NPAS3: variants seen among roughly 807,000 people sequenced by gnomAD.
The protein encoded by NPAS3 is neuronal PAS domain protein 3.
NPAS3 carries 14 observed loss-of-function variants against 73.1 expected under a neutral mutation model. The observed-to-expected ratio is 0.19, with a 90% CI of 0.13 to 0.30. The LOEUF (loss-of-function observed/expected upper bound fraction) is 0.30, where lower values mean the gene tolerates loss of function less well. Ranked by LOEUF, NPAS3 falls within the 10% of genes least tolerant of loss-of-function variation. The pLI is 1.00. For missense variants in NPAS3, 1,096 were observed against 1,250.0 expected (o/e 0.88, Z 1.86); for synonymous variants, 620 against 541.5 (o/e 1.14, Z -2.01).
intron 4 of NPAS3, among the ~76,000 whole-genome samples, chr14:33,523,782 G>GA (rs142855865): frequency 0.027 from 4,159 of 151,424 alleles, 161 homozygotes; most frequent in African/African-American, 0.09. Context: ...TTTGTCTCAA[G>GA]AAAAAAAAGA....
At chr14:33,108,327 G>A (rs570561758) in intron 2 of NPAS3, among the ~76,000 whole-genome samples, 1 of 151,686 alleles carries the variant, frequency 6.6e-6, no homozygotes, top group African/African-American at 2.4e-5. Context: ...CCAAGTAGCT[G>A]GGACTACAGG....
chr14:33,090,081 C>G (rs2042172780), intron 2 of NPAS3, among the ~76,000 whole-genome samples: 1 of 152,206 alleles, frequency 6.6e-6, no homozygotes, highest in Admixed American at 6.5e-5. Context: ...TAGGAAGAAA[C>G]TGCATCAACT....
At chr14:33,490,345 G>A (rs914011870) in intron 4 of NPAS3, among the ~76,000 whole-genome samples, 1 of 152,098 alleles carries the variant, frequency 6.6e-6, no homozygotes, top group Non-Finnish European at 1.5e-5. Flanking sequence ...TATGCCATTT[G>A]AAATTAGCAT....
At chr14:33,398,470 C>T (rs2047316691) in intron 4 of NPAS3, among the ~76,000 whole-genome samples, 1 of 150,760 alleles carries the variant, frequency 6.6e-6, no homozygotes, top group Non-Finnish European at 1.5e-5. Context: ...ATTACTTCCC[C>T]AAATCTCATC....
At chr14:33,768,470 A>G (rs1489045886) in intron 7 of NPAS3, among the ~76,000 whole-genome samples, 1 of 152,170 alleles carries the variant, frequency 6.6e-6, no homozygotes, top group African/African-American at 2.4e-5. Flanking sequence ...GATCTATAAG[A>G]TCCCTACTAA....
chr14:33,440,128 A>G (rs919968131), intron 4 of NPAS3, among the ~76,000 whole-genome samples: 2 of 151,846 alleles, frequency 1.3e-5, no homozygotes, highest in Non-Finnish European at 2.9e-5. Flanking sequence ...AAAAAAAAAA[A>G]AAAGAAAAAA....
At chr14:33,345,741 C>G (rs8013130) in intron 3 of NPAS3, among the ~76,000 whole-genome samples, 66,647 of 152,042 alleles carry the variant, frequency 0.44, 15,220 homozygotes, top group East Asian at 0.61. Flanking sequence ...TGCAGTTCAA[C>G]AGACAAGCTG....
intron 1 of NPAS3, among the ~76,000 whole-genome samples, chr14:33,030,743 A>T (rs1300865914): frequency 6.6e-6 from 1 of 152,166 alleles, no homozygotes; most frequent in South Asian, 2.1e-4. Context: ...GTATGAGTAT[A>T]CTGTAAAGTC....
intron 2 of NPAS3, among the ~76,000 whole-genome samples, chr14:33,105,645 C>T (rs2042701008): frequency 6.6e-6 from 1 of 152,062 alleles, no homozygotes; most frequent in African/African-American, 2.4e-5. Flanking sequence ...AGATGTGTTA[C>T]AGGACCAGGC....
At chr14:33,269,381 C>T (rs1230301159) in intron 3 of NPAS3, among the ~76,000 whole-genome samples, 1 of 152,124 alleles carries the variant, frequency 6.6e-6, no homozygotes, top group Non-Finnish European at 1.5e-5. Flanking sequence ...TTCCCAACAC[C>T]CAAATTTAGT....
chr14:33,160,787 G>A (rs941913244), intron 2 of NPAS3, among the ~76,000 whole-genome samples: 4 of 150,830 alleles, frequency 2.7e-5, no homozygotes, highest in South Asian at 2.1e-4. Flanking sequence ...TGAAGTCAGC[G>A]CTCAGTTTTG....
At chr14:32,989,505 G>A (rs376814643) in intron 1 of NPAS3, among the ~76,000 whole-genome samples, 66 of 152,072 alleles carry the variant, frequency 4.3e-4, no homozygotes, top group African/African-American at 1.5e-3. Flanking sequence ...TTAGCCGGGC[G>A]AGGTGGCGGG....
chr14:33,201,769 G>A (rs2046627441), intron 2 of NPAS3, among the ~76,000 whole-genome samples: 1 of 152,016 alleles, frequency 6.6e-6, no homozygotes, highest in Non-Finnish European at 1.5e-5. Context: ...TTGTGATGGG[G>A]GCACATTGAG....
chr14:33,382,495 A>G (rs1166146204), intron 4 of NPAS3, among the ~76,000 whole-genome samples: 3 of 152,148 alleles, frequency 2.0e-5, no homozygotes, highest in Admixed American at 1.3e-4. Context: ...TAGAAAGTAT[A>G]TATAACCAGC....
upstream of NPAS3, among the ~76,000 whole-genome samples, chr14:32,935,680 TAA>T (rs1460536329): frequency 6.6e-6 from 1 of 152,242 alleles, no homozygotes; most frequent in African/African-American, 2.4e-5. Context: ...GTAGTTCTCT[TAA>T]ACGTATTTAT....
At chr14:33,311,384 A>G (rs532763046) in intron 3 of NPAS3, among the ~76,000 whole-genome samples, 2 of 152,278 alleles carry the variant, frequency 1.3e-5, no homozygotes, top group South Asian at 2.1e-4. Context: ...CCTCTGGTAT[A>G]TTAGTGGTCA....
intron 5 of NPAS3, chr14:33,560,466 A>G: frequency 3.1e-6 from 1 of 320,434 alleles, no homozygotes; most frequent in Non-Finnish European, 5.7e-6. Flanking sequence ...AGAACAAATG[A>G]AGTTTCTTCC....
At chr14:33,283,868 G>A (rs1024809430) in intron 3 of NPAS3, among the ~76,000 whole-genome samples, 1 of 152,086 alleles carries the variant, frequency 6.6e-6, no homozygotes, top group Non-Finnish European at 1.5e-5. Context: ...GGAGTGGTTA[G>A]GCATCTCATA....
intron 1 of NPAS3, among the ~76,000 whole-genome samples, chr14:32,956,490 G>T (rs141778195): frequency 2.3e-4 from 35 of 152,298 alleles, no homozygotes; most frequent in African/African-American, 8.4e-4. Flanking sequence ...CAAACCAGTA[G>T]TGAGCTAAAC....
Sources: allele counts gnomAD v4.1 joint callset (sites outside exome capture counted in the v4.1 genomes callset), GRCh38; gene constraint gnomAD v4.1.1; transcripts MANE v1.5; gene names NCBI Gene and HGNC (gene_info 2026-07-23, HGNC 2026-07-21).